SATL1: variants seen among roughly 807,000 people sequenced by gnomAD.
SATL1 encodes the protein spermidine/spermine N1-acetyl transferase like 1, also known as spermidine/spermine N(1)-acetyltransferase-like protein 1.
In SATL1, 47 loss-of-function variants were observed where a neutral mutation model predicts 51.8. The ratio of observed to expected loss-of-function variants is 0.91; its 90% confidence interval spans 0.72 to 1.16. The LOEUF (loss-of-function observed/expected upper bound fraction) is 1.16. Among genes scored for constraint, SATL1 ranks in the 50% most tolerant of loss-of-function variants. The pLI is 0.00. For missense variants in SATL1, 520 were observed against 526.4 expected, an observed-to-expected ratio of 0.99 and a Z score of 0.12; for synonymous variants, 176 against 182.4, an observed-to-expected ratio of 0.97 and a Z score of 0.28.
rs1462225438 is a variant in SATL1, at chrX:85,109,283, G to A, written c.-312-3C>T. The A allele has an allele frequency of 9.3e-6, 3 of 320,897 alleles. No individual in the cohort carries two copies. Among genetic ancestry groups the A allele is most frequent in the Non-Finnish European group, 1.6e-5 (3 of 183,953 alleles). The allele number at this position is 320,897 out of a possible 1,213,427, so 26.4% of individuals were successfully genotyped here. On this transcript the variant is annotated splice_polypyrimidine_tract_variant and splice_region_variant and intron_variant, in intron 2 of 7. Coordinates refer to ENST00000644105, the MANE Select transcript of SATL1 (RefSeq NM_001367857.2). ...TCAGGTTGTCATCTGGCCTTTCCCTGCCAAAAGGGGGGAAGTAAAGGGAAG... is the reference window on the plus strand; with the variant it reads ...TCAGGTTGTCATCTGGCCTTTCCCTACCAAAAGGGGGGAAGTAAAGGGAAG...
chrX:85,181,222 C>A (rs997071264), intron 2 of SATL1, among the ~76,000 whole-genome samples: 19 of 103,507 alleles, frequency 1.8e-4, no homozygotes, highest in Non-Finnish European at 2.4e-4. Context: ...TATATATATT[C>A]TTTTCCCTCC....
In SATL1 at chrX:85,108,029, G is replaced by C. The variant is rs1337448466; in HGVS notation, c.940C>G (p.Pro314Ala). Residue 314 changes from proline to alanine, a missense_variant, in exon 3 of 8, where the codon CCT becomes GCT. Transcript: ENST00000644105. Reference protein sequence around the residue: ...SGTNLPDINQPGMKQPGTWQL... With the variant: ...SGTNLPDINQAGMKQPGTWQL... ...CATGTGCCTGGTTGTTTCATGCCAG[G>C]TTGGTTTATGTCTGGTAGGTTTGTA... The C allele has an allele frequency of 8.3e-7, 1 of 1,210,570 alleles. No individual in the cohort carries two copies. The highest frequency in any genetic ancestry group is 2.2e-5 in the Admixed American group (1 of 45,913).
At chrX:85,241,148 A>G (rs914819590) in intron 1 of SATL1, among the ~76,000 whole-genome samples, 2 of 111,294 alleles carry the variant, frequency 1.8e-5, no homozygotes, top group Non-Finnish European at 3.8e-5. Flanking sequence ...CCCAATGTTC[A>G]TTTAAATTAT....
intron 1 of SATL1, among the ~76,000 whole-genome samples, chrX:85,232,623 G>A (rs1755021683): frequency 8.9e-6 from 1 of 111,825 alleles, no homozygotes; most frequent in African/African-American, 3.3e-5. Context: ...ATAGCCCTTG[G>A]GCCTTGAGCG....
intron 2 of SATL1, chrX:85,118,383 A>G (rs1925433562): frequency 9.1e-6 from 1 of 110,368 alleles, no homozygotes; most frequent in Non-Finnish European, 1.9e-5. Flanking sequence ...GGGGCATGAA[A>G]GTGAAGGGAT....
intron 1 of SATL1, among the ~76,000 whole-genome samples, chrX:85,224,563 A>T (rs765598949): frequency 9.0e-6 from 1 of 110,685 alleles, no homozygotes; most frequent in African/African-American, 3.3e-5. Context: ...TACTAACAGA[A>T]TTCAAATTTT....
At position 85,146,933 on chromosome X, in the gene SATL1, G is replaced by A. The variant is rs370983861; in HGVS notation, c.-312-37653C>T. ...TTTCTGCATTTCCATCTGAGGTACCGGGTTCATCTCACTAGGGAGTACCAG... is the reference window on the plus strand; with the variant it reads ...TTTCTGCATTTCCATCTGAGGTACCAGGTTCATCTCACTAGGGAGTACCAG... On this transcript the variant is annotated intron_variant, in intron 2 of 7. Transcript: ENST00000644105. 2.3e-4 allele frequency among the ~76,000 whole-genome samples: 26 copies of A among 112,559 alleles called. No homozygotes were observed. In the East Asian group the frequency reaches 4.2e-3, roughly 18 times the overall value.
intron 1 of SATL1, among the ~76,000 whole-genome samples, chrX:85,224,822 T>C (rs1928244776): frequency 9.3e-6 from 1 of 106,962 alleles, no homozygotes; most frequent in Non-Finnish European, 1.9e-5. Flanking sequence ...ACCTGCACTG[T>C]ATACAAATAG....
intron 2 of SATL1, among the ~76,000 whole-genome samples, chrX:85,199,752 G>A (rs1008373871): frequency 1.8e-5 from 2 of 111,755 alleles, no homozygotes; most frequent in East Asian, 5.6e-4. Context: ...GAGATAGAGT[G>A]TAGAATAAGG....
intron 2 of SATL1, among the ~76,000 whole-genome samples, chrX:85,123,091 T>C (rs1925542565): frequency 8.9e-6 from 1 of 111,854 alleles, no homozygotes; most frequent in Non-Finnish European, 1.9e-5. Flanking sequence ...TCCATGCCTT[T>C]GCTATTGTGA....
chrX:85,148,849 C>A lies in SATL1; in HGVS notation c.-312-39569G>T, dbSNP rs780272847. Among the ~76,000 whole-genome samples the A allele has an allele frequency of 1.3e-4, 15 of 111,390 alleles. No individual in the cohort carries two copies. In the East Asian group the frequency reaches 3.4e-3, roughly 25 times the overall value. On this transcript the variant is annotated intron_variant, in intron 2 of 7. Transcript: ENST00000644105. ...ATGGAAAGGAACAACTGGTACCAGC[C>A]ACTGCAAAATCATGCCAAATTGTAA...
intron 2 of SATL1, among the ~76,000 whole-genome samples, chrX:85,174,457 G>A (rs1477891475): frequency 1.8e-5 from 2 of 108,892 alleles, no homozygotes; most frequent in Non-Finnish European, 3.8e-5. Context: ...CGAGTATTTG[G>A]GATTACAGGT....
At chrX:85,107,150 T>C (rs1925065485) in intron 3 of SATL1, among the ~76,000 whole-genome samples, 178 bp downstream of exon 3, 1 of 111,888 alleles carries the variant, frequency 8.9e-6, no homozygotes, top group Admixed American at 9.6e-5. Context: ...TTTTGAGATA[T>C]ATATTGTTAT....
At chrX:85,184,766 T>C (rs1487709379) in intron 2 of SATL1, among the ~76,000 whole-genome samples, 1 of 111,976 alleles carries the variant, frequency 8.9e-6, no homozygotes, top group Non-Finnish European at 1.9e-5. Context: ...TTCCTCAACA[T>C]GGATATTTTG....
intron 2 of SATL1, among the ~76,000 whole-genome samples, chrX:85,192,876 A>T (rs763152654): frequency 6.3e-5 from 7 of 111,960 alleles, no homozygotes; most frequent in Non-Finnish European, 7.5e-5. Context: ...TAAATGAATT[A>T]CAGATAATAT....
chrX:85,192,227 G>A, intron 2 of SATL1, among the ~76,000 whole-genome samples: 1 of 111,689 alleles, frequency 9.0e-6, no homozygotes. Context: ...CTCCATGGTG[G>A]ATCCAGCATG....
chrX:85,209,547 T>G (rs953237767), intron 2 of SATL1: 3 of 111,649 alleles, frequency 2.7e-5, no homozygotes, highest in African/African-American at 9.8e-5. Flanking sequence ...CCTCTTTTAT[T>G]TCTTTGAGCA....
intron 2 of SATL1, among the ~76,000 whole-genome samples, chrX:85,189,453 T>A (rs1252584411): frequency 1.8e-5 from 2 of 112,065 alleles, no homozygotes; most frequent in Admixed American, 9.5e-5. Context: ...AAGTGGTGAA[T>A]TCTGGGTATG....
chrX:85,242,997 G>A (rs1928666589), intron 1 of SATL1, among the ~76,000 whole-genome samples: 1 of 111,755 alleles, frequency 8.9e-6, no homozygotes, highest in African/African-American at 3.3e-5. Flanking sequence ...GCCCTTCATA[G>A]GGAAAGTTTG....
Sources: allele counts gnomAD v4.1 joint callset (sites outside exome capture counted in the v4.1 genomes callset), GRCh38; gene constraint gnomAD v4.1.1; transcripts MANE v1.5; gene names NCBI Gene and HGNC (gene_info 2026-07-23, HGNC 2026-07-21).